DYM: variants seen among roughly 807,000 people sequenced by gnomAD.
DYM encodes the protein dyggve-Melchior-Clausen syndrome protein.
In DYM, 78 loss-of-function variants were observed where a neutral mutation model predicts 93.1. The ratio of observed to expected loss-of-function variants is 0.84; its 90% CI spans 0.70 to 1.01. The LOEUF is 1.01. Among genes scored for constraint, DYM ranks in the 50% least tolerant of loss-of-function variants. DYM has a pLI of 0.00. For synonymous variants in DYM, 321 were observed against 319.7 expected (o/e 1.00, Z -0.04); for missense variants, 789 against 845.0 (o/e 0.93, Z 0.82).
intron 17 of DYM, among the ~76,000 whole-genome samples, chr18:49,054,072 A>C (rs2075262241): frequency 6.6e-6 from 1 of 152,200 alleles, no homozygotes; most frequent in Admixed American, 6.5e-5. Flanking sequence ...GTTCAGCTAA[A>C]TTGTTGATCA....
intron 13 of DYM, among the ~76,000 whole-genome samples, chr18:49,224,196 G>A (rs751774177): frequency 2.8e-4 from 43 of 152,062 alleles, no homozygotes; most frequent in Non-Finnish European, 4.1e-4. Flanking sequence ...ATAAATGGTG[G>A]TGTCATTCAA....
At chr18:49,227,883 T>G (rs1327029491) in intron 13 of DYM, among the ~76,000 whole-genome samples, 1 of 152,158 alleles carries the variant, frequency 6.6e-6, no homozygotes, top group African/African-American at 2.4e-5. Flanking sequence ...CTGGAGATAC[T>G]TCTTCAATCT....
At chr18:49,458,933 A>G (rs968539627) in intron 1 of DYM, among the ~76,000 whole-genome samples, 21 of 152,240 alleles carry the variant, frequency 1.4e-4, no homozygotes, top group Non-Finnish European at 2.9e-4. Flanking sequence ...TTGCTTTAAA[A>G]TAATTGTGAG....
chr18:49,341,797 T>C (rs952010104), intron 6 of DYM, among the ~76,000 whole-genome samples: 5 of 152,224 alleles, frequency 3.3e-5, no homozygotes, highest in African/African-American at 1.2e-4. Flanking sequence ...CCTCCCACAG[T>C]TCCCAGAAAA....
intron 13 of DYM, among the ~76,000 whole-genome samples, chr18:49,233,930 T>C (rs548152842): frequency 6.6e-6 from 1 of 151,544 alleles, no homozygotes; most frequent in Non-Finnish European, 1.5e-5. Context: ...ATCGAGACCA[T>C]CCTGGCCAAC....
chr18:49,045,757 C>T (rs567085954), intron 17 of DYM, among the ~76,000 whole-genome samples: 1 of 152,216 alleles, frequency 6.6e-6, no homozygotes, highest in South Asian at 2.1e-4. Flanking sequence ...CCCTGGAGGG[C>T]CCCGCACAGG....
chr18:49,081,078 C>T (rs1442625895), intron 17 of DYM, among the ~76,000 whole-genome samples: 5 of 150,818 alleles, frequency 3.3e-5, no homozygotes, highest in East Asian at 2.0e-4. Flanking sequence ...CAGGCAGAGA[C>T]GCTCCTCACT....
chr18:49,388,653 C>G (rs1356298808), intron 3 of DYM, among the ~76,000 whole-genome samples: 1 of 151,782 alleles, frequency 6.6e-6, no homozygotes, highest in East Asian at 1.9e-4. Flanking sequence ...GAAAACCTCT[C>G]CTCAGCACAT....
chr18:49,390,784 C>A (rs1043262306), intron 3 of DYM: 3 of 152,220 alleles, frequency 2.0e-5, no homozygotes, highest in African/African-American at 7.2e-5. Flanking sequence ...GGATTATAGG[C>A]GTGAGCCACT....
chr18:49,164,971 G>A (rs1487114325), intron 14 of DYM, among the ~76,000 whole-genome samples: 1 of 152,110 alleles, frequency 6.6e-6, no homozygotes, highest in Admixed American at 6.6e-5. Flanking sequence ...CCAGTTAAAT[G>A]TCAGAGATTT....
intron 9 of DYM, among the ~76,000 whole-genome samples, chr18:49,286,127 C>CCT (rs2059647598): frequency 1.3e-5 from 2 of 151,854 alleles, no homozygotes; most frequent in African/African-American, 4.8e-5. Flanking sequence ...TTTAAAACAA[C>CCT]CTAGCATTTG....
At chr18:49,105,328 ATCAATT>A (rs2080672280) in intron 16 of DYM, among the ~76,000 whole-genome samples, 1 of 152,102 alleles carries the variant, frequency 6.6e-6, no homozygotes, top group Admixed American at 6.5e-5. Flanking sequence ...CTAGCAGTCT[ATCAATT>A]TTGTTGATCT....
chr18:49,103,727 T>C lies in DYM; in HGVS notation c.1912-6212A>G, dbSNP rs560962601. 7.4e-4 allele frequency among the ~76,000 whole-genome samples: 113 copies of C among 152,324 alleles called. 2 individuals carry two copies. The highest frequency in any genetic ancestry group is 2.6e-3 in the African/African-American group (110 of 41,562). Reference sequence around the variant, plus strand: ...GTCAAAGATCAGATGGTTGTAGATATGCGGCGTTATTTCTGAGGGCTCTGT... The same window carrying C: ...GTCAAAGATCAGATGGTTGTAGATACGCGGCGTTATTTCTGAGGGCTCTGT... On this transcript the variant is annotated intron_variant, in intron 16 of 17. Transcript: ENST00000675505.
At chr18:49,369,161 G>A (rs2066777405) in intron 5 of DYM, among the ~76,000 whole-genome samples, 1 of 152,198 alleles carries the variant, frequency 6.6e-6, no homozygotes, top group Non-Finnish European at 1.5e-5. Context: ...GCAGGAAAGG[G>A]AATAGGGTGG....
intron 10 of DYM, among the ~76,000 whole-genome samples, chr18:49,277,416 A>C (rs1284845000): frequency 2.6e-5 from 4 of 152,142 alleles, no homozygotes; most frequent in African/African-American, 9.7e-5. Flanking sequence ...AGGTGGAAAA[A>C]CCAGCAGAGT....
Position 49,208,182 on chromosome 18 carries a change from CAAAAA to C in DYM, c.1625+1364_1625+1368del, listed in dbSNP as rs138264681. Reference sequence around the variant, plus strand: ...TGGGTGACAGAGCAAGACTCCATCTCAAAAAAAAAAAAAAAAAAAAAATTAAAAAG... The same window carrying C: ...TGGGTGACAGAGCAAGACTCCATCTCAAAAAAAAAAAAAAAAATTAAAAAG... On this transcript the variant is annotated intron_variant, in intron 14 of 17. Coordinates refer to ENST00000675505, the MANE Select transcript of DYM (RefSeq NM_001353214.3). 2.4e-3 allele frequency among the ~76,000 whole-genome samples: 138 copies of C among 58,304 alleles called. No homozygotes were observed. In the East Asian group the frequency reaches 0.048, roughly 20 times the overall value. 38.2% of individuals were successfully genotyped at this position (58,304 alleles called of 152,430 possible). A position where few individuals can be genotyped will look rare whatever the true frequency, so the allele number is the denominator to read the frequency against.
chr18:49,345,205 C>T (rs755101258), intron 6 of DYM, among the ~76,000 whole-genome samples: 31 of 151,938 alleles, frequency 2.0e-4, no homozygotes, highest in Non-Finnish European at 3.1e-4. Context: ...TAATTTCCCA[C>T]CAAAGAGAAG....
At chr18:49,106,353 T>C (rs1467898270) in intron 16 of DYM, among the ~76,000 whole-genome samples, 3 of 152,224 alleles carry the variant, frequency 2.0e-5, no homozygotes, top group African/African-American at 7.2e-5. Flanking sequence ...TCTTGACTCT[T>C]TATCCAATTT....
intron 6 of DYM, among the ~76,000 whole-genome samples, chr18:49,356,278 C>T (rs759266304): frequency 2.0e-5 from 3 of 152,122 alleles, no homozygotes; most frequent in Admixed American, 1.3e-4. Context: ...CATTCAGTAA[C>T]AATCTTGGTT....
Sources: allele counts gnomAD v4.1 joint callset (sites outside exome capture counted in the v4.1 genomes callset), GRCh38; gene constraint gnomAD v4.1.1; transcripts MANE v1.5; gene names NCBI Gene and HGNC (gene_info 2026-07-23, HGNC 2026-07-21).